IMPACT: variants seen among roughly 807,000 people sequenced by gnomAD.
IMPACT encodes protein IMPACT.
Under a neutral mutation model 47.5 loss-of-function variants are expected in IMPACT, and 35 were observed. The observed-to-expected ratio is 0.74, with a 90% CI of 0.56 to 0.98. The LOEUF is 0.98. IMPACT is among the 50% of genes least tolerant of loss of function. The pLI, the probability that IMPACT is intolerant of heterozygous loss-of-function variation, is 0.00. For missense variants in IMPACT, 373 were observed against 394.8 expected (o/e 0.94, Z 0.47); for synonymous variants, 118 against 125.6 (o/e 0.94, Z 0.40).
At chr18:24,439,805 C>G (rs1909054692) in intron 5 of IMPACT, among the ~76,000 whole-genome samples, 1 of 152,134 alleles carries the variant, frequency 6.6e-6, no homozygotes, top group Non-Finnish European at 1.5e-5. Flanking sequence ...GAATGAGACT[C>G]TGTGTCAAAC....
intron 2 of IMPACT, among the ~76,000 whole-genome samples, chr18:24,428,577 A>C (rs929066974): frequency 6.6e-6 from 1 of 152,244 alleles, no homozygotes; most frequent in Non-Finnish European, 1.5e-5. Flanking sequence ...GTTTGTTTTT[A>C]TAATACTGAT....
Position 24,437,937 on chromosome 18 carries a change from C to A in IMPACT, c.282-18C>A. On this transcript the variant is annotated intron_variant, in intron 4 of 10. Coordinates refer to ENST00000284202, the MANE Select transcript of IMPACT (RefSeq NM_018439.4). ...TTTTTGAAATAACAATTTTTTTTTT[C>A]CCCTGAATTTTGTTTAGTCAGAATA... 4 of 1,236,424 alleles carry A rather than the reference C, an allele frequency of 3.2e-6. No individual in the cohort carries two copies. The highest frequency in any genetic ancestry group is 4.6e-6 in the Non-Finnish European group (4 of 862,604). The allele number at this position is 1,236,424 out of a possible 1,614,324, so 76.6% of individuals were successfully genotyped here.
At chr18:24,440,010 G>A (rs1377328243) in intron 5 of IMPACT, among the ~76,000 whole-genome samples, 1 of 152,024 alleles carries the variant, frequency 6.6e-6, no homozygotes, top group African/African-American at 2.4e-5. Context: ...TTATTACTGT[G>A]GTGTTTGCCT....
Position 24,452,482 on chromosome 18 carries a change from A to G in IMPACT, c.*1635A>G, listed in dbSNP as rs143636590. The G allele has an allele frequency of 2.8e-4, 42 of 152,242 alleles. No homozygotes were observed. In the East Asian group the frequency reaches 7.5e-3, roughly 27 times the overall value. The allele number at this position is 152,242 out of a possible 1,614,324, so 9.4% of individuals were successfully genotyped here. ...TTCACAATTTCAACATGTCAAACCT[A>G]TGAAGGGAGATAGGAAACAATGAGA... On this transcript the variant is annotated 3_prime_UTR_variant, in exon 11 of 11. Coordinates refer to ENST00000284202, the MANE Select transcript of IMPACT (RefSeq NM_018439.4).
Position 24,430,393 on chromosome 18 carries a change from C to G in IMPACT, c.281+9C>G. 1 of 1,582,088 alleles carries G rather than the reference C, an allele frequency of 6.3e-7. No homozygotes were observed. The highest frequency in any genetic ancestry group is 8.6e-7 in the Non-Finnish European group (1 of 1,164,664). On this transcript the variant is annotated intron_variant, in intron 4 of 10. Transcript: ENST00000284202. ...CTTGAGGAAATATATATGTAAGTGA[C>G]AGGCGATTTTTTAAAATAATTCTGT... is the stretch of plus-strand genomic sequence containing the variant.
At chr18:24,430,226 T>C in intron 3 of IMPACT, 96 bp from the exon 4 acceptor site, 1 of 815,328 alleles carries the variant, frequency 1.2e-6, no homozygotes, top group Non-Finnish European at 1.9e-6. Flanking sequence ...AAAATAATTT[T>C]TTAAAGCCAA....
rs932679813 is a variant in IMPACT, at chr18:24,451,006, C to T, written c.*159C>T. The T allele has an allele frequency of 7.5e-5, 38 of 508,206 alleles. No individual in the cohort carries two copies. The highest frequency in any genetic ancestry group is 1.5e-4 in the Admixed American group (4 of 26,530). The allele number at this position is 508,206 out of a possible 1,614,324, so 31.5% of individuals were successfully genotyped here. A position where few individuals can be genotyped will look rare whatever the true frequency, so the allele number is the denominator to read the frequency against. On this transcript the variant is annotated 3_prime_UTR_variant, in exon 11 of 11. Transcript: ENST00000284202. ...CTTTTCTTCTTGGTTATATCATCTG[C>T]CAAAAATAGAGAACTTATGATCTAT... is the stretch of plus-strand genomic sequence containing the variant.
intron 3 of IMPACT, among the ~76,000 whole-genome samples, chr18:24,429,136 C>T (rs977446189): frequency 9.2e-5 from 14 of 152,116 alleles, no homozygotes; most frequent in African/African-American, 3.1e-4. Flanking sequence ...TCACAAGGTT[C>T]GTAGAGGTGA....
At chr18:24,435,722 A>G (rs1568086681) in intron 4 of IMPACT, among the ~76,000 whole-genome samples, 2 of 152,162 alleles carry the variant, frequency 1.3e-5, no homozygotes, top group Admixed American at 6.5e-5. Context: ...ACTGAAAGAT[A>G]TTATGTGGGG....
chr18:24,447,005 ATTTG>A (rs1909264954), intron 8 of IMPACT, among the ~76,000 whole-genome samples: 1 of 152,158 alleles, frequency 6.6e-6, no homozygotes, highest in Non-Finnish European at 1.5e-5. Flanking sequence ...ATCCAATTTC[ATTTG>A]TTTTCTTTAT....
Position 24,443,068 on chromosome 18 carries a change from A to G in IMPACT, c.510A>G (p.Leu170=). 1 of 1,588,010 alleles carries G rather than the reference A, an allele frequency of 6.3e-7. No homozygotes were observed. The highest frequency in any genetic ancestry group is 8.6e-7 in the Non-Finnish European group (1 of 1,160,948). The change falls in exon 7 of 11, where the codon TTA becomes TTG. Residue 170 remains leucine, a synonymous_variant. Coordinates refer to ENST00000284202, the MANE Select transcript of IMPACT (RefSeq NM_018439.4). ...ETRTEVEVEE[L]PPIDHGIPIT... is the part of the protein sequence containing the mutation. ...TTCTAGAAGTAGAAGTAGAAGAATT[A>G]CCTCCGATTGATCATGGCATTCCTA...
chr18:24,447,728 AG>A (rs1909281182), intron 8 of IMPACT, among the ~76,000 whole-genome samples: 1 of 152,136 alleles, frequency 6.6e-6, no homozygotes, highest in African/African-American at 2.4e-5. Flanking sequence ...AATATGTCTT[AG>A]TACCTGTTGC....
intron 4 of IMPACT, among the ~76,000 whole-genome samples, chr18:24,434,783 A>C: frequency 8.9e-6 from 1 of 112,450 alleles, no homozygotes; most frequent in Non-Finnish European, 2.0e-5. Flanking sequence ...AAAAATATAT[A>C]TATATATATA....
chr18:24,452,994 C>A lies in IMPACT; in HGVS notation c.*2147C>A, dbSNP rs1390454060. ...GTCTTTCTATGTTGCCCAGGCTCGT[C>A]TTGAGCTCCTGGCCTCAATCGATCT... On this transcript the variant is annotated 3_prime_UTR_variant, in exon 11 of 11. Transcript: ENST00000284202. The A allele has an allele frequency of 6.6e-6, 1 of 152,146 alleles. No homozygotes were observed. Among genetic ancestry groups the A allele is most frequent in the African/African-American group, 2.4e-5 (1 of 41,422 alleles). The allele number at this position is 152,146 out of a possible 1,614,324, so 9.4% of individuals were successfully genotyped here.
At position 24,451,647 on chromosome 18, in the gene IMPACT, T is replaced by A. The variant is rs1166274679; in HGVS notation, c.*800T>A. On this transcript the variant is annotated 3_prime_UTR_variant, in exon 11 of 11. Transcript: ENST00000284202. ...TTTTAACAACCTGGAAGTACCTTTCTTGTGATCTTCACTGAGGAATTAGAA... is the reference window on the plus strand; with the variant it reads ...TTTTAACAACCTGGAAGTACCTTTCATGTGATCTTCACTGAGGAATTAGAA... 6.6e-6 allele frequency: 1 copy of A among 152,204 alleles called. No homozygotes were observed. Among genetic ancestry groups the A allele is most frequent in the Non-Finnish European group, 1.5e-5 (1 of 68,036 alleles). The allele number at this position is 152,204 out of a possible 1,614,324, so 9.4% of individuals were successfully genotyped here. A position where few individuals can be genotyped will look rare whatever the true frequency, so the allele number is the denominator to read the frequency against.
At chr18:24,449,415 G>A (rs10502444) in intron 9 of IMPACT, among the ~76,000 whole-genome samples, 16,240 of 152,178 alleles carry the variant, frequency 0.11, 1,217 homozygotes, top group Admixed American at 0.22. Flanking sequence ...TTGATGCCTC[G>A]TGCAGCCCCT....
chr18:24,444,125 T>G (rs1382672992), intron 7 of IMPACT, among the ~76,000 whole-genome samples: 1 of 152,208 alleles, frequency 6.6e-6, no homozygotes, highest in African/African-American at 2.4e-5. Flanking sequence ...TGCAGACTTC[T>G]GGTCTTTTCT....
chr18:24,441,896 A>C (rs1443843049), intron 6 of IMPACT, among the ~76,000 whole-genome samples: 3 of 152,216 alleles, frequency 2.0e-5, no homozygotes, highest in Non-Finnish European at 4.4e-5. Context: ...AAAAAGGATA[A>C]AAATCATACT....
chr18:24,434,914 A>ATATATATGTGTATATATATGTGTGTG (rs1568086419), intron 4 of IMPACT, among the ~76,000 whole-genome samples: 19 of 26,310 alleles, frequency 7.2e-4, no homozygotes, highest in Non-Finnish European at 1.1e-3. Flanking sequence ...ATGTGTGTGT[A>ATATATATGTGTATATATATGTGTGTG]TATATATATA....
Sources: gnomAD v4.1 joint callset for allele counts (sites outside exome capture counted in the v4.1 genomes callset) on GRCh38, gnomAD v4.1.1 for gene constraint, MANE v1.5 for transcripts, NCBI Gene and HGNC (gene_info 2026-07-23, HGNC 2026-07-21) for gene names.